Variants in HSPBAP1 observed in about 807,000 individuals in gnomAD.
HSPBAP1 encodes HSPB1 associated protein 1.
A neutral mutation model predicts 45.2 loss-of-function variants in HSPBAP1; 27 were observed. The observed-to-expected ratio is 0.60, with a 90% CI of 0.44 to 0.82. HSPBAP1 has a LOEUF of 0.82. Ranked by LOEUF, HSPBAP1 falls within the 40% of genes least tolerant of loss-of-function variation. The pLI is 0.00. For synonymous variants in HSPBAP1, 204 were observed against 202.7 expected, an observed-to-expected ratio of 1.01 and a Z score of -0.06; for missense variants, 510 against 590.9, an observed-to-expected ratio of 0.86 and a Z score of 1.42.
At position 122,740,669 on chromosome 3, in the gene HSPBAP1, T is replaced by C; in HGVS notation, c.1143A>G (p.Lys381=). ...GGCCAAAGGGACTTGCTGCCTCCGG[T>C]TTGTCTGTTCCTGTGGTCAAGTTCT... The part of the protein sequence containing the change: ...GSQNLTTGTD[K]PEAASPFGPD... The change falls in exon 8 of 8, where the codon AAA becomes AAG. Residue 381 remains lysine (K), a synonymous_variant. Coordinates refer to ENST00000306103, the MANE Select transcript of HSPBAP1 (RefSeq NM_024610.6). 1 of 1,613,920 alleles carries C rather than the reference T, an allele frequency of 6.2e-7. No homozygotes were observed. Among genetic ancestry groups the C allele is most frequent in the Non-Finnish European group, 8.5e-7 (1 of 1,179,954 alleles).
At chr3:122,772,705 TAAA>T (rs927728239) in intron 2 of HSPBAP1, among the ~76,000 whole-genome samples, 8 of 152,074 alleles carry the variant, frequency 5.3e-5, no homozygotes, top group Non-Finnish European at 8.8e-5. Flanking sequence ...ATTTTCAGGA[TAAA>T]GAAGGAATTT....
intron 1 of HSPBAP1, among the ~76,000 whole-genome samples, chr3:122,787,124 G>GA (rs892374583): frequency 9.2e-5 from 14 of 151,776 alleles, no homozygotes; most frequent in Admixed American, 3.3e-4. Flanking sequence ...AGAAACTACT[G>GA]AAAAAAAACA....
At chr3:122,747,623 A>AG (rs1215623678) in intron 6 of HSPBAP1, among the ~76,000 whole-genome samples, 1 of 133,774 alleles carries the variant, frequency 7.5e-6, no homozygotes, top group Non-Finnish European at 1.6e-5. Flanking sequence ...CCCATCTGGG[A>AG]GGGAGGTGGG....
At chr3:122,793,059 G>A (rs1935885733) in intron 1 of HSPBAP1, among the ~76,000 whole-genome samples, 1 of 152,058 alleles carries the variant, frequency 6.6e-6, no homozygotes, top group Non-Finnish European at 1.5e-5. Context: ...GGCTCCTTTG[G>A]AAAAGGTATT....
Position 122,793,822 on chromosome 3 carries a change from C to G in HSPBAP1, c.-142G>C. 1 of 676,830 alleles carries G rather than the reference C, an allele frequency of 1.5e-6. No individual in the cohort carries two copies. The highest frequency in any genetic ancestry group is 2.5e-6 in the Non-Finnish European group (1 of 396,864). 41.9% of individuals were successfully genotyped at this position (676,830 alleles called of 1,614,324 possible). On this transcript the variant is annotated 5_prime_UTR_variant, in exon 1 of 8. Transcript: ENST00000306103. Reference sequence around the variant, plus strand: ...TCCCGCCCGGCTCCTACGGAAACGCCGGCTCTCACGTGGAGGTCACGTGAC... The same window carrying G: ...TCCCGCCCGGCTCCTACGGAAACGCGGGCTCTCACGTGGAGGTCACGTGAC...
At chr3:122,746,651 C>A (rs1260166594) in intron 6 of HSPBAP1, among the ~76,000 whole-genome samples, 1 of 151,724 alleles carries the variant, frequency 6.6e-6, no homozygotes, top group East Asian at 1.9e-4. Flanking sequence ...CCTCTCCCCT[C>A]TCCCCACGGT....
chr3:122,780,586 G>A, intron 1 of HSPBAP1, among the ~76,000 whole-genome samples: 1 of 144,286 alleles, frequency 6.9e-6, no homozygotes, highest in South Asian at 2.2e-4. Flanking sequence ...CGGACGGGGC[G>A]GCTGGCCGGG....
At chr3:122,752,565 A>G in intron 6 of HSPBAP1, 26 bp downstream of exon 6, 5 of 1,443,538 alleles carry the variant, frequency 3.5e-6, no homozygotes, top group Non-Finnish European at 4.7e-6. Context: ...TTACTTAAAA[A>G]AAAAAAAAAA....
intron 4 of HSPBAP1, among the ~76,000 whole-genome samples, chr3:122,756,701 A>C (rs1934369462): frequency 6.6e-6 from 1 of 150,546 alleles, no homozygotes; most frequent in Non-Finnish European, 1.5e-5. Context: ...TTGTATCTAA[A>C]AAAAAAAAAA....
At chr3:122,789,439 C>T (rs1449834617) in intron 1 of HSPBAP1, among the ~76,000 whole-genome samples, 1 of 152,160 alleles carries the variant, frequency 6.6e-6, no homozygotes, top group Admixed American at 6.5e-5. Flanking sequence ...ATGTATGATT[C>T]TGAGAGTAAC....
chr3:122,780,510 ACCC>A (rs1286495085), intron 1 of HSPBAP1, among the ~76,000 whole-genome samples: 2 of 100,328 alleles, frequency 2.0e-5, no homozygotes, highest in African/African-American at 8.9e-5. Flanking sequence ...GCGGGGGCTG[ACCC>A]CCCCACCTCC....
intron 6 of HSPBAP1, among the ~76,000 whole-genome samples, chr3:122,744,036 T>G (rs1933763548): frequency 6.6e-6 from 1 of 151,600 alleles, no homozygotes; most frequent in Non-Finnish European, 1.5e-5. Flanking sequence ...AATAAAAAAT[T>G]CTAGTTTTCG....
rs1443893204 is a variant in HSPBAP1, at chr3:122,755,295, C to G, written c.706G>C (p.Ala236Pro). Residue 236 changes from alanine (A) to proline (P), a missense_variant, in exon 5 of 8, where the codon GCT becomes CCT. By Grantham distance (27) the Ala-to-Pro change is conservative. Coordinates refer to ENST00000306103, the MANE Select transcript of HSPBAP1 (RefSeq NM_024610.6). ...DLKRFPQFRK[A>P]QRHAVTLSPG... is the part of the protein sequence containing the mutation. Reference sequence around the variant, plus strand: ...CTCAGTGTAACCGCATGTCTTTGAGCTTTCCGGAACTGAGGAAAACGCTTT... The same window carrying G: ...CTCAGTGTAACCGCATGTCTTTGAGGTTTCCGGAACTGAGGAAAACGCTTT... The G allele has an allele frequency of 6.3e-7, 1 of 1,597,376 alleles. No individual in the cohort carries two copies.
Position 122,755,335 on chromosome 3 carries a change from A to G in HSPBAP1, c.666T>C (p.Val222=). Reference sequence around the variant, plus strand: ...GAAAACGCTTTAAATCAGGATTGACAACATTGATTTTACTGAACACACTAG... The same window carrying G: ...GAAAACGCTTTAAATCAGGATTGACGACATTGATTTTACTGAACACACTAG... ...EESSVFSKIN[V]VNPDLKRFPQ... The change falls in exon 5 of 8, where the codon GTT becomes GTC. Residue 222 remains valine (V), a synonymous_variant. Transcript: ENST00000306103. 1 of 1,607,610 alleles carries G rather than the reference A, an allele frequency of 6.2e-7. No individual in the cohort carries two copies. The highest frequency in any genetic ancestry group is 8.5e-7 in the Non-Finnish European group (1 of 1,176,916).
intron 4 of HSPBAP1, among the ~76,000 whole-genome samples, chr3:122,758,400 C>T (rs1281799105): frequency 1.3e-5 from 2 of 152,174 alleles, no homozygotes; most frequent in Non-Finnish European, 2.9e-5. Flanking sequence ...TAACAATACA[C>T]TGTATTGTGT....
At position 122,793,385 on chromosome 3, in the gene HSPBAP1, A is replaced by G. The variant is rs1935897563; in HGVS notation, c.64+232T>C. Among the ~76,000 whole-genome samples the G allele has an allele frequency of 2.6e-5, 4 of 152,224 alleles. No homozygotes were observed. The South Asian group carries it at 8.3e-4, about 31-fold the overall frequency. On this transcript the variant is annotated intron_variant, in intron 1 of 7. Transcript: ENST00000306103. ...TATAAAACAAAACAAAACAAAAATA[A>G]CACCCCATGCGTGAAACAGCACTCG...
At chr3:122,757,252 C>T (rs575552437) in intron 4 of HSPBAP1, among the ~76,000 whole-genome samples, 1 of 152,260 alleles carries the variant, frequency 6.6e-6, no homozygotes, top group Admixed American at 6.5e-5. Flanking sequence ...CAGTGTCTGC[C>T]TGGAAGTCAA....
intron 1 of HSPBAP1, among the ~76,000 whole-genome samples, chr3:122,785,900 CGTGTGT>C (rs34416935): frequency 1.3e-5 from 2 of 149,734 alleles, no homozygotes; most frequent in African/African-American, 4.9e-5. Context: ...CATGTGTGTG[CGTGTGT>C]GTGTGTGTGT....
intron 6 of HSPBAP1, among the ~76,000 whole-genome samples, chr3:122,752,305 T>C (rs111500776): frequency 6.6e-6 from 1 of 152,038 alleles, no homozygotes; most frequent in African/African-American, 2.4e-5. Flanking sequence ...CCCAATACAA[T>C]TTTCCTAACA....
Sources: allele counts gnomAD v4.1 joint callset (sites outside exome capture counted in the v4.1 genomes callset), GRCh38; gene constraint gnomAD v4.1.1; transcripts MANE v1.5; gene names NCBI Gene and HGNC (gene_info 2026-07-23, HGNC 2026-07-21).